Variants in GRID2 observed in about 807,000 individuals in gnomAD.
GRID2 encodes the protein glutamate ionotropic receptor delta type subunit 2.
Under a neutral mutation model 114.8 loss-of-function variants are expected in GRID2, and 33 were observed. The ratio of observed to expected loss-of-function variants is 0.29; its 90% CI spans 0.22 to 0.38. The LOEUF is 0.38. Among genes scored for constraint, GRID2 ranks in the 10% least tolerant of loss-of-function variants. The probability of loss-of-function intolerance (pLI) is 1.00; values close to 1 mark genes in which losing one functional copy is unlikely to be tolerated. For synonymous variants in GRID2, 505 were observed against 449.9 expected (o/e 1.12, Z -1.55); for missense variants, 1,184 against 1,257.7 (o/e 0.94, Z 0.89).
intron 1 of GRID2, among the ~76,000 whole-genome samples, chr4:93,788,247 G>A (rs188893595): frequency 6.6e-6 from 1 of 151,352 alleles, no homozygotes; most frequent in African/African-American, 2.4e-5. Context: ...GAACCCGGGA[G>A]GCGGAGGTTG....
chr4:92,460,053 T>TATATATATATATATATATGC (rs1032538170), intron 1 of GRID2, among the ~76,000 whole-genome samples: 5 of 99,804 alleles, frequency 5.0e-5, no homozygotes, highest in African/African-American at 7.8e-5. Flanking sequence ...TATATATATA[T>TATATATATATATATATATGC]ACACACACAA....
At position 92,325,502 on chromosome 4, in the gene GRID2, A is replaced by T. The variant is rs1275872747; in HGVS notation, c.88+20758A>T. Among the ~76,000 whole-genome samples the T allele has an allele frequency of 3.3e-5, 5 of 152,004 alleles. No individual in the cohort carries two copies. The East Asian group carries it at 9.7e-4, about 29-fold the overall frequency. On this transcript the variant is annotated intron_variant, in intron 1 of 15. Transcript: ENST00000282020. ...AGTCTGTTTTGTGCACATTTGCCAA[A>T]TATCTTGAGGCTAGAGTTAATTGAT...
chr4:93,518,610 G>A (rs1190168676), intron 13 of GRID2, among the ~76,000 whole-genome samples: 2 of 152,046 alleles, frequency 1.3e-5, no homozygotes, highest in African/African-American at 4.8e-5. Flanking sequence ...AAGCTCTGTG[G>A]TATGTTCAGT....
At chr4:93,732,680 C>T (rs1472254815) in intron 14 of GRID2, among the ~76,000 whole-genome samples, 4 of 151,936 alleles carry the variant, frequency 2.6e-5, no homozygotes, top group Admixed American at 6.6e-5. Context: ...GCATTCTGAC[C>T]GCTGCTGTCA....
intron 2 of GRID2, among the ~76,000 whole-genome samples, chr4:93,017,790 C>T (rs977916562): frequency 8.0e-6 from 1 of 125,506 alleles, no homozygotes; most frequent in African/African-American, 3.1e-5. Context: ...CAGGACAGAG[C>T]AAGGCTCCTT....
At chr4:93,465,274 T>C (rs923922113) in intron 11 of GRID2, among the ~76,000 whole-genome samples, 1 of 152,230 alleles carries the variant, frequency 6.6e-6, no homozygotes, top group Non-Finnish European at 1.5e-5. Flanking sequence ...TTTTACCTAG[T>C]CACAAAGGAA....
intron 13 of GRID2, among the ~76,000 whole-genome samples, chr4:93,599,300 G>A (rs1216117004): frequency 6.6e-6 from 1 of 152,198 alleles, no homozygotes; most frequent in Non-Finnish European, 1.5e-5. Flanking sequence ...ACTGTCATTA[G>A]TGGTCACTTC....
At position 93,023,593 on chromosome 4, in the gene GRID2, G is replaced by T. The variant is rs1174007013; in HGVS notation, c.245-61402G>T. On this transcript the variant is annotated intron_variant, in intron 2 of 15. Transcript: ENST00000282020. ...AAGAGAAATAAGCAATACCTGAAAT[G>T]AACTATAATATTTTACAGATTATAG... is the stretch of plus-strand genomic sequence containing the variant. Among the ~76,000 whole-genome samples, 3 of 151,864 alleles carry T rather than the reference G, an allele frequency of 2.0e-5. No homozygotes were observed. The East Asian group carries it at 5.8e-4, about 29-fold the overall frequency.
chr4:92,719,487 C>G (rs1385712700), intron 2 of GRID2, among the ~76,000 whole-genome samples: 1 of 152,030 alleles, frequency 6.6e-6, no homozygotes, highest in African/African-American at 2.4e-5. Flanking sequence ...TTTGAAGGTA[C>G]ATTATGTTTA....
chr4:92,944,017 G>C (rs1376596760), intron 2 of GRID2, among the ~76,000 whole-genome samples: 1 of 152,162 alleles, frequency 6.6e-6, no homozygotes, highest in Non-Finnish European at 1.5e-5. Context: ...TCCCAGTTAG[G>C]CTACTCAGGG....
intron 2 of GRID2, among the ~76,000 whole-genome samples, chr4:92,877,641 T>G (rs896268567): frequency 6.6e-6 from 1 of 152,152 alleles, no homozygotes. Context: ...ATAACCAGGC[T>G]ACAATCAGGA....
chr4:93,772,115 G>A lies in GRID2; in HGVS notation c.2641G>A (p.Val881Ile). ...EIDLEHLHRR[V>I]NSLCTDDDSP... ...TGACCTGGAGCACCTCCATAGACGT[G>A]TAAATAGCTTGTGCACAGATGACGA... Residue 881 changes from valine to isoleucine, a missense_variant, in exon 16 of 16, where the codon GTA becomes ATA. Val to Ile is a conservative substitution (Grantham distance 29). Coordinates refer to ENST00000282020, the MANE Select transcript of GRID2 (RefSeq NM_001510.4). 6.2e-7 allele frequency: 1 copy of A among 1,612,652 alleles called. No homozygotes were observed. Among genetic ancestry groups the A allele is most frequent in the South Asian group, 1.1e-5 (1 of 91,036 alleles).
intron 8 of GRID2, among the ~76,000 whole-genome samples, chr4:93,260,533 A>AAGAG (rs1355055075): frequency 6.6e-6 from 1 of 151,692 alleles, no homozygotes; most frequent in Admixed American, 6.6e-5. Flanking sequence ...AAGTAAAGGA[A>AAGAG]AGAGGCATTC....
At chr4:92,591,585 GA>G in intron 2 of GRID2, among the ~76,000 whole-genome samples, 1 of 152,204 alleles carries the variant, frequency 6.6e-6, no homozygotes, top group African/African-American at 2.4e-5. Flanking sequence ...TGCAAACATT[GA>G]AAGAGTAAGG....
At chr4:92,380,283 C>A (rs1468294626) in intron 1 of GRID2, among the ~76,000 whole-genome samples, 1 of 151,034 alleles carries the variant, frequency 6.6e-6, no homozygotes, top group Non-Finnish European at 1.5e-5. Context: ...TGAAACATAC[C>A]ATTTCTATTC....
intron 13 of GRID2, among the ~76,000 whole-genome samples, chr4:93,591,544 T>G (rs1476081817): frequency 6.6e-6 from 1 of 152,178 alleles, no homozygotes; most frequent in Non-Finnish European, 1.5e-5. Flanking sequence ...CTGCCGGGCT[T>G]TGGTATCAGA....
chr4:92,543,462 C>A (rs746313871), intron 1 of GRID2, among the ~76,000 whole-genome samples: 18 of 152,070 alleles, frequency 1.2e-4, no homozygotes, highest in Non-Finnish European at 1.8e-4. Context: ...AATATTTATT[C>A]TTATAATATG....
chr4:92,638,404 T>C (rs1356427477), intron 2 of GRID2, among the ~76,000 whole-genome samples: 1 of 149,184 alleles, frequency 6.7e-6, no homozygotes, highest in Non-Finnish European at 1.5e-5. Flanking sequence ...AGACTAATAC[T>C]AGTACATACA....
At chr4:92,748,873 A>G (rs917330310) in intron 2 of GRID2, among the ~76,000 whole-genome samples, 1 of 151,898 alleles carries the variant, frequency 6.6e-6, no homozygotes, top group Non-Finnish European at 1.5e-5. Context: ...CATGTTGGCC[A>G]GGCAGGTCTC....
Sources: allele counts gnomAD v4.1 joint callset (sites outside exome capture counted in the v4.1 genomes callset), GRCh38; gene constraint gnomAD v4.1.1; transcripts MANE v1.5; gene names NCBI Gene and HGNC (gene_info 2026-07-23, HGNC 2026-07-21).